SPHKAP: variants seen among roughly 807,000 people sequenced by gnomAD.
The protein encoded by SPHKAP is SPHK1 interactor, AKAP domain containing.
In SPHKAP, 67 loss-of-function variants were observed where a neutral mutation model predicts 137.5. The observed-to-expected ratio is 0.49, with a 90% confidence interval of 0.40 to 0.60. The LOEUF (loss-of-function observed/expected upper bound fraction) is 0.60, where lower values mean the gene tolerates loss of function less well. SPHKAP is among the 20% of genes least tolerant of loss of function. The probability of loss-of-function intolerance (pLI) is 0.00; values close to 1 mark genes in which losing one functional copy is unlikely to be tolerated. For missense variants in SPHKAP, 2,097 were observed against 2,069.3 expected (o/e 1.01, Z -0.26); for synonymous variants, 813 against 785.3 (o/e 1.04, Z -0.59).
chr2:228,031,229 T>G (rs796495529), intron 3 of SPHKAP, among the ~76,000 whole-genome samples: 1 of 145,602 alleles, frequency 6.9e-6, no homozygotes, highest in Non-Finnish European at 1.5e-5. Flanking sequence ...ATCCCGCACC[T>G]GGCTCAGAGG....
chr2:228,124,936 C>T (rs1258784906), intron 2 of SPHKAP, among the ~76,000 whole-genome samples: 1 of 152,142 alleles, frequency 6.6e-6, no homozygotes, highest in Non-Finnish European at 1.5e-5. Context: ...ATCTTTGCCA[C>T]TGTTTACAGC....
intron 3 of SPHKAP, among the ~76,000 whole-genome samples, chr2:228,104,653 G>A (rs1399793646): frequency 6.6e-6 from 1 of 152,078 alleles, no homozygotes; most frequent in East Asian, 1.9e-4. Context: ...GTTGAAGGCT[G>A]CTTGAGAGCT....
chr2:228,108,007 C>G (rs1261773642), intron 3 of SPHKAP, among the ~76,000 whole-genome samples: 3 of 152,228 alleles, frequency 2.0e-5, no homozygotes, highest in Admixed American at 2.0e-4. Context: ...TATAAAAAGC[C>G]TTGCTATCCC....
intron 1 of SPHKAP, among the ~76,000 whole-genome samples, chr2:228,166,854 A>G (rs990699744): frequency 1.3e-5 from 2 of 152,190 alleles, no homozygotes; most frequent in African/African-American, 2.4e-5. Context: ...TACAGGAAGC[A>G]TAGAACTGGC....
Position 228,003,000 on chromosome 2 carries a change from G to A in SPHKAP, c.4449-7306C>T, listed in dbSNP as rs566402939. Among the ~76,000 whole-genome samples, 528 of 152,262 alleles carry A rather than the reference G, an allele frequency of 3.5e-3. 2 individuals carry two copies. The highest frequency in any genetic ancestry group is 0.012 in the African/African-American group (485 of 41,542). On this transcript the variant is annotated intron_variant, in intron 7 of 11. Transcript: ENST00000392056. Reference sequence around the variant, plus strand: ...GTAGTATAGTTTGAAGTCAGGCAGCGTGATGCCTCCAGCTTTGTTCTTTTG... The same window carrying A: ...GTAGTATAGTTTGAAGTCAGGCAGCATGATGCCTCCAGCTTTGTTCTTTTG...
chr2:228,015,374 A>G lies in SPHKAP; in HGVS notation c.4448+1032T>C, dbSNP rs548405090. 4.5e-3 allele frequency among the ~76,000 whole-genome samples: 688 copies of G among 151,332 alleles called. 9 individuals carry two copies. Among genetic ancestry groups the G allele is most frequent in the African/African-American group, 0.014 (588 of 40,778 alleles). ...CTTTGCTATTGTGAATAGTGCTGCAATAAACATACGTGTTCATGTGTCTTT... is the reference window on the plus strand; with the variant it reads ...CTTTGCTATTGTGAATAGTGCTGCAGTAAACATACGTGTTCATGTGTCTTT... On this transcript the variant is annotated intron_variant, in intron 7 of 11. Coordinates refer to ENST00000392056, the MANE Select transcript of SPHKAP (RefSeq NM_001142644.2).
Position 228,017,339 on chromosome 2 carries a change from T to G in SPHKAP, c.3515A>C (p.Asp1172Ala). The G allele has an allele frequency of 6.2e-7, 1 of 1,613,834 alleles. No individual in the cohort carries two copies. Among genetic ancestry groups the G allele is most frequent in the Non-Finnish European group, 8.5e-7 (1 of 1,179,898 alleles). Residue 1172 changes from aspartate to alanine, a missense_variant, in exon 7 of 12, where the codon GAC becomes GCC. Asp to Ala is a moderately radical substitution (Grantham distance 126). Coordinates refer to ENST00000392056, the MANE Select transcript of SPHKAP (RefSeq NM_001142644.2). ...SAMQQACRKS[D>A]HLSVRPSCPS... Reference sequence around the variant, plus strand: ...ACAGCTAGGCCTCACACTGAGGTGGTCACTTTTCCGGCACGCCTGTTGCAT... The same window carrying G: ...ACAGCTAGGCCTCACACTGAGGTGGGCACTTTTCCGGCACGCCTGTTGCAT...
chr2:228,082,339 T>C (rs976100292), intron 3 of SPHKAP, among the ~76,000 whole-genome samples: 12 of 152,318 alleles, frequency 7.9e-5, no homozygotes, highest in African/African-American at 2.4e-4. Context: ...TCAACAACCA[T>C]GCACATTTCT....
At chr2:228,142,973 GC>G (rs1464534851) in intron 1 of SPHKAP, among the ~76,000 whole-genome samples, 4 of 152,036 alleles carry the variant, frequency 2.6e-5, no homozygotes, top group Non-Finnish European at 5.9e-5. Flanking sequence ...CTATTAGTCA[GC>G]CATGCTTTCC....
intron 3 of SPHKAP, among the ~76,000 whole-genome samples, chr2:228,059,659 T>C (rs1263912195): frequency 6.6e-6 from 1 of 152,148 alleles, no homozygotes; most frequent in Non-Finnish European, 1.5e-5. Context: ...GAAACTTAAA[T>C]ACAGCAAAAA....
intron 3 of SPHKAP, among the ~76,000 whole-genome samples, chr2:228,073,517 G>T (rs1458956448): frequency 6.6e-6 from 1 of 152,126 alleles, no homozygotes; most frequent in East Asian, 1.9e-4. Context: ...GGGTAGTCTT[G>T]AAAAAAATTG....
At chr2:228,081,057 A>T (rs1697351332) in intron 3 of SPHKAP, among the ~76,000 whole-genome samples, 2 of 152,240 alleles carry the variant, frequency 1.3e-5, no homozygotes, top group Admixed American at 1.3e-4. Flanking sequence ...AAAAGGAAAA[A>T]AAAATATTAA....
intron 1 of SPHKAP, among the ~76,000 whole-genome samples, chr2:228,135,771 G>T (rs1465350979): frequency 6.6e-6 from 1 of 152,144 alleles, no homozygotes; most frequent in African/African-American, 2.4e-5. Flanking sequence ...AAACGAGGAA[G>T]TTGAGTCACA....
At chr2:228,174,928 C>A (rs186135820) in intron 1 of SPHKAP, among the ~76,000 whole-genome samples, 295 of 150,768 alleles carry the variant, frequency 2.0e-3, no homozygotes, top group African/African-American at 6.9e-3. Flanking sequence ...ATGAAGAATG[C>A]CTCTGATAAA....
intron 11 of SPHKAP, 194 bp from the exon 12 acceptor site, chr2:227,982,054 T>A (rs1693018087): frequency 8.5e-6 from 3 of 351,780 alleles, no homozygotes; most frequent in Non-Finnish European, 1.0e-5. Flanking sequence ...CAAGTGAATT[T>A]TTTTTTTTTT....
rs199972437 is a variant in SPHKAP at position 228,181,546 on chromosome 2, A to G, written c.32+21T>C. 3.0e-5 allele frequency: 48 copies of G among 1,614,196 alleles called. No individual in the cohort carries two copies. The highest frequency in any genetic ancestry group is 4.0e-5 in the Non-Finnish European group (47 of 1,180,018). The stretch of plus-strand genomic sequence containing the variant: ...GAGTTTGATCGACATGGTATTGGGC[A>G]TAGAAAGAAGCGGGTCTTACCTTGG... On this transcript the variant is annotated intron_variant, in intron 1 of 11. Transcript: ENST00000392056. This position sits in a 1 kb window ranked among gnomAD's most constrained non-coding sequence, Gnocchi z 4.3.
In SPHKAP at chr2:228,171,952, T is replaced by C. The variant is rs544333127; in HGVS notation, c.32+9615A>G. ...ACATGAGATTTAGCATCTAATGTCA[T>C]TGTTTATCTTGAAAATTTTTGGAGT... On this transcript the variant is annotated intron_variant, in intron 1 of 11. Transcript: ENST00000392056. Among the ~76,000 whole-genome samples the C allele has an allele frequency of 5.3e-5, 8 of 152,302 alleles. No individual in the cohort carries two copies. In the East Asian group the frequency reaches 9.6e-4, roughly 18 times the overall value.
chr2:227,983,099 A>G (rs1693062717), intron 11 of SPHKAP, among the ~76,000 whole-genome samples: 1 of 152,034 alleles, frequency 6.6e-6, no homozygotes, highest in Non-Finnish European at 1.5e-5. Context: ...TTTTTCTAGG[A>G]TTTTTTAAAA....
chr2:228,018,932 T>C lies in SPHKAP; in HGVS notation c.1922A>G (p.Asp641Gly). The C allele has an allele frequency of 1.2e-6, 2 of 1,614,114 alleles. No individual in the cohort carries two copies. The part of the protein sequence containing the change: ...NTYSSIGDFL[D>G]SMNRRIMETA... The stretch of plus-strand genomic sequence containing the variant: ...TTCCATGATTCTCCTGTTCATGGAG[T>C]CCAGAAAGTCTCCAATGCTGCTGTA... The change falls in exon 7 of 12, where the codon GAC becomes GGC. Residue 641 changes from aspartate (D) to glycine (G), a missense_variant. Asp to Gly is a moderately conservative substitution (Grantham distance 94, BLOSUM62 -1). Coordinates refer to ENST00000392056, the MANE Select transcript of SPHKAP (RefSeq NM_001142644.2).
Sources: gnomAD v4.1 joint callset for allele counts (sites outside exome capture counted in the v4.1 genomes callset) on GRCh38, gnomAD v4.1.1 for gene constraint, Gnocchi (gnomAD v3.1) non-coding constraint, MANE v1.5 for transcripts, NCBI Gene and HGNC (gene_info 2026-07-23, HGNC 2026-07-21) for gene names.